FRMD4A: variants seen among roughly 807,000 people sequenced by gnomAD.
The protein encoded by FRMD4A is FERM domain-containing protein 4A.
Under a neutral mutation model 129.1 loss-of-function variants are expected in FRMD4A, and 29 were observed. That is an observed-to-expected ratio of 0.22 (90% confidence interval 0.17 to 0.31). FRMD4A has a LOEUF of 0.31. Among genes scored for constraint, FRMD4A ranks in the 10% least tolerant of loss-of-function variants. The probability of loss-of-function intolerance (pLI) is 1.00; values close to 1 mark genes in which losing one functional copy is unlikely to be tolerated. For missense variants in FRMD4A, 1,272 were observed against 1,375.8 expected (o/e 0.92, Z 1.19); for synonymous variants, 634 against 571.6 (o/e 1.11, Z -1.56).
chr10:13,687,964 C>A (rs149148182), intron 15 of FRMD4A, among the ~76,000 whole-genome samples: 1 of 152,148 alleles, frequency 6.6e-6, no homozygotes, highest in East Asian at 1.9e-4. Flanking sequence ...AAATACAGGT[C>A]TACGGGGTCT....
At chr10:13,761,536 A>G in intron 8 of FRMD4A, 111 bp downstream of exon 8, 1 of 748,206 alleles carries the variant, frequency 1.3e-6, no homozygotes, top group Non-Finnish European at 2.3e-6. Context: ...CATCATTAAC[A>G]TATAACATGA....
intron 2 of FRMD4A, among the ~76,000 whole-genome samples, chr10:13,867,452 G>A (rs1284909583): frequency 6.7e-6 from 1 of 149,956 alleles, no homozygotes; most frequent in Non-Finnish European, 1.5e-5. Flanking sequence ...GTAGATATGG[G>A]GACTCGCCAT....
At chr10:13,694,166 C>G in intron 14 of FRMD4A, 127 bp from the exon 15 acceptor site, 1 of 687,692 alleles carries the variant, frequency 1.5e-6, no homozygotes, top group Non-Finnish European at 2.3e-6. Flanking sequence ...GACTAATGTG[C>G]AGCATTTTTG....
intron 2 of FRMD4A, among the ~76,000 whole-genome samples, chr10:14,006,995 C>T (rs995457143): frequency 6.6e-6 from 1 of 151,890 alleles, no homozygotes; most frequent in African/African-American, 2.4e-5. Context: ...AGGAAATCAA[C>T]CCGACCTAAG....
At chr10:13,810,933 A>G in intron 3 of FRMD4A, 25 bp from the exon 4 acceptor site, 1 of 1,239,184 alleles carries the variant, frequency 8.1e-7, no homozygotes, top group Non-Finnish European at 1.2e-6. Context: ...CAATGGAAGA[A>G]GGGTAAGTGA....
At chr10:13,903,395 G>A (rs1308808823) in intron 2 of FRMD4A, among the ~76,000 whole-genome samples, 1 of 152,094 alleles carries the variant, frequency 6.6e-6, no homozygotes, top group African/African-American at 2.4e-5. Flanking sequence ...TAAATCTCCT[G>A]AGCCTAGAAC....
intron 2 of FRMD4A, among the ~76,000 whole-genome samples, chr10:14,216,045 G>T (rs1047322351): frequency 6.6e-6 from 1 of 152,070 alleles, no homozygotes; most frequent in East Asian, 1.9e-4. Flanking sequence ...TCCACTACAC[G>T]TTCTGTAGCG....
chr10:14,318,860 C>A (rs886370172), intron 2 of FRMD4A, among the ~76,000 whole-genome samples: 1 of 152,174 alleles, frequency 6.6e-6, no homozygotes, highest in Non-Finnish European at 1.5e-5. Flanking sequence ...TGGATCTAGC[C>A]TTAATGACTT....
intron 2 of FRMD4A, among the ~76,000 whole-genome samples, chr10:14,272,308 C>T (rs1301411774): frequency 6.6e-6 from 1 of 152,090 alleles, no homozygotes; most frequent in Admixed American, 6.5e-5. Flanking sequence ...CAACCATTGG[C>T]CAGAAGGAAT....
intron 15 of FRMD4A, among the ~76,000 whole-genome samples, chr10:13,687,042 G>C (rs147932956): frequency 6.6e-6 from 1 of 152,246 alleles, no homozygotes; most frequent in East Asian, 1.9e-4. Flanking sequence ...TGTAATCCCA[G>C]CATGTTGGGA....
In FRMD4A at chr10:13,731,507, G is replaced by A. The variant is rs146671183; in HGVS notation, c.759+6337C>T. Among the ~76,000 whole-genome samples, 37 of 152,152 alleles carry A rather than the reference G, an allele frequency of 2.4e-4. No individual in the cohort carries two copies. In the East Asian group the frequency reaches 6.6e-3, roughly 27 times the overall value. On this transcript the variant is annotated intron_variant, in intron 12 of 24. Coordinates refer to ENST00000357447, the MANE Select transcript of FRMD4A (RefSeq NM_018027.5). ...CTACTAAAAATACAAAAATTAGCTG[G>A]GTGTGGTGGCACGTGCCTGTAATCC...
At chr10:14,202,692 C>T (rs1028231250) in intron 2 of FRMD4A, among the ~76,000 whole-genome samples, 1 of 151,988 alleles carries the variant, frequency 6.6e-6, no homozygotes, top group South Asian at 2.1e-4. Context: ...TGAGCCACCG[C>T]GACTGGCTAC....
intron 2 of FRMD4A, among the ~76,000 whole-genome samples, chr10:14,245,504 G>A (rs1288022837): frequency 6.6e-6 from 1 of 152,146 alleles, no homozygotes; most frequent in African/African-American, 2.4e-5. Context: ...GTTGTGGGCT[G>A]AATTGTATCT....
At chr10:13,995,833 T>C (rs2095620716) in intron 2 of FRMD4A, among the ~76,000 whole-genome samples, 1 of 152,052 alleles carries the variant, frequency 6.6e-6, no homozygotes, top group Non-Finnish European at 1.5e-5. Context: ...TTTTTTTTTT[T>C]TCTTAATGAG....
At position 13,901,764 on chromosome 10, in the gene FRMD4A, G is replaced by T. The variant is rs80176457; in HGVS notation, c.46-42852C>A. Among the ~76,000 whole-genome samples, 1,876 of 152,208 alleles carry T rather than the reference G, an allele frequency of 0.012. 98 individuals carry two copies. In the East Asian group the frequency reaches 0.17, roughly 14 times the overall value. ...ATATTGAAAGGATGGGCCAGAGCAG[G>T]AAGTAAGAGCCCCGGGACCTCCCAG... On this transcript the variant is annotated intron_variant, in intron 2 of 24. Coordinates refer to ENST00000357447, the MANE Select transcript of FRMD4A (RefSeq NM_018027.5).
At chr10:13,701,055 A>AG (rs1225537819) in intron 14 of FRMD4A, among the ~76,000 whole-genome samples, 12 of 152,138 alleles carry the variant, frequency 7.9e-5, no homozygotes, top group African/African-American at 2.9e-4. Flanking sequence ...CCCGAGGGCC[A>AG]AAAGCACAGT....
At chr10:14,165,761 C>A (rs552736901) in intron 2 of FRMD4A, among the ~76,000 whole-genome samples, 5 of 152,264 alleles carry the variant, frequency 3.3e-5, no homozygotes, top group African/African-American at 1.2e-4. Context: ...AAAGAGAAAA[C>A]CAAATACCAC....
intron 24 of FRMD4A, chr10:13,651,433 CTAAAATA>C (rs2081572274): frequency 6.3e-6 from 1 of 157,816 alleles, no homozygotes; most frequent in Non-Finnish European, 1.4e-5. Context: ...CATGGTGAGT[CTAAAATA>C]TACTTTGGGG....
chr10:13,681,288 A>T (rs2084559197), intron 15 of FRMD4A, among the ~76,000 whole-genome samples: 1 of 152,184 alleles, frequency 6.6e-6, no homozygotes, highest in Non-Finnish European at 1.5e-5. Flanking sequence ...TGCCTAAAGG[A>T]TTTACTGCTT....
Sources: allele counts gnomAD v4.1 joint callset (sites outside exome capture counted in the v4.1 genomes callset), GRCh38; gene constraint gnomAD v4.1.1; transcripts MANE v1.5; gene names NCBI Gene and HGNC (gene_info 2026-07-23, HGNC 2026-07-21).